The following USH2A variants were observed in gnomAD, a reference collection of about 807,000 sequenced individuals.
The protein encoded by USH2A is usherin.
In USH2A, 443 loss-of-function variants were observed where a neutral mutation model predicts 538.9. The ratio of observed to expected loss-of-function variants is 0.82; its 90% confidence interval spans 0.76 to 0.89. USH2A has a LOEUF of 0.89. Ranked by LOEUF, USH2A falls within the 40% of genes least tolerant of loss-of-function variation. The pLI is 0.00. For synonymous variants in USH2A, 2,413 were observed against 2,273.5 expected, an observed-to-expected ratio of 1.06 and a Z score of -1.75; for missense variants, 6,633 against 6,324.8, an observed-to-expected ratio of 1.05 and a Z score of -1.65.
intron 35 of USH2A, among the ~76,000 whole-genome samples, chr1:215,985,706 T>G (rs1383207620): frequency 6.6e-6 from 1 of 152,168 alleles, no homozygotes. Flanking sequence ...ACATATATCT[T>G]CATGTGCATA....
At position 216,325,315 on chromosome 1, in the gene USH2A, C is replaced by T. The variant is rs766118782; in HGVS notation, c.1133G>A (p.Gly378Glu). Residue 378 changes from glycine to glutamate, a missense_variant, in exon 6 of 72, where the codon GGA (glycine) becomes GAA (glutamate). By Grantham distance (98) the Gly-to-Glu change is moderately conservative. Coordinates refer to ENST00000307340, the MANE Select transcript of USH2A (RefSeq NM_206933.4). ...GVTISVDLEN[G>E]QYQVFYIIIQ... ...ATCGTTTCTCATTACCTGATACTGT[C>T]CATTTTCCAAATCAACTGAAATAGT... 3.7e-6 allele frequency: 6 copies of T among 1,613,540 alleles called. No individual in the cohort carries two copies. Among genetic ancestry groups the T allele is most frequent in the Non-Finnish European group, 5.1e-6 (6 of 1,179,832 alleles).
intron 11 of USH2A, among the ~76,000 whole-genome samples, chr1:216,264,762 C>G (rs779525247): frequency 6.6e-6 from 1 of 152,116 alleles, no homozygotes; most frequent in Admixed American, 6.6e-5. Flanking sequence ...AATAAATCCA[C>G]CTATTTACTG....
intron 47 of USH2A, among the ~76,000 whole-genome samples, chr1:215,835,863 T>C (rs1027498883): frequency 6.6e-6 from 1 of 152,192 alleles, no homozygotes; most frequent in Non-Finnish European, 1.5e-5. Context: ...TGTGTTGCAA[T>C]CTCTTTTCTG....
intron 32 of USH2A, among the ~76,000 whole-genome samples, chr1:216,010,084 A>G (rs1668521201): frequency 6.6e-6 from 1 of 152,126 alleles, no homozygotes. Context: ...CAAAAATTAA[A>G]TTCTGGCCCT....
chr1:216,132,358 T>C (rs1211513778), intron 21 of USH2A, among the ~76,000 whole-genome samples: 2 of 152,154 alleles, frequency 1.3e-5, no homozygotes, highest in Non-Finnish European at 2.9e-5. Flanking sequence ...ATGCATTTTT[T>C]AAATCTATCT....
At chr1:216,307,831 C>T (rs1449067695) in intron 9 of USH2A, among the ~76,000 whole-genome samples, 2 of 152,168 alleles carry the variant, frequency 1.3e-5, no homozygotes, top group Non-Finnish European at 2.9e-5. Context: ...AGGCCAAATC[C>T]ATCACCTGTG....
At chr1:215,977,502 A>AAATTAATT (rs10634519) in intron 35 of USH2A, among the ~76,000 whole-genome samples, 2 of 150,968 alleles carry the variant, frequency 1.3e-5, no homozygotes, top group African/African-American at 4.9e-5. Context: ...ATAATTTTTT[A>AAATTAATT]AATTAATTAA....
chr1:215,775,816 C>T (rs1047218180), intron 55 of USH2A, among the ~76,000 whole-genome samples: 1 of 152,188 alleles, frequency 6.6e-6, no homozygotes, highest in African/African-American at 2.4e-5. Flanking sequence ...ATTTAGCACA[C>T]AAAGTTTTCA....
intron 38 of USH2A, among the ~76,000 whole-genome samples, chr1:215,901,755 T>C (rs1008367961): frequency 6.6e-6 from 1 of 152,190 alleles, no homozygotes; most frequent in South Asian, 2.1e-4. Flanking sequence ...ACTCTGGTTA[T>C]TTAATTAATT....
At chr1:215,648,868 A>AT in intron 65 of USH2A, 102 bp from the exon 66 acceptor site, 1 of 1,145,610 alleles carries the variant, frequency 8.7e-7, no homozygotes, top group Non-Finnish European at 1.3e-6. Context: ...GTACCATGCC[A>AT]GGCACTCTGG....
intron 43 of USH2A, among the ~76,000 whole-genome samples, chr1:215,872,575 A>G (rs1402192537): frequency 2.6e-5 from 4 of 152,178 alleles, no homozygotes; most frequent in Non-Finnish European, 5.9e-5. Flanking sequence ...TTTTTATTCT[A>G]AGAAAACACT....
intron 58 of USH2A, among the ~76,000 whole-genome samples, chr1:215,745,405 A>G (rs1660443141): frequency 6.7e-6 from 1 of 150,180 alleles, no homozygotes; most frequent in African/African-American, 2.4e-5. Context: ...CAATGTTTGC[A>G]GAAGTAGTAC....
Position 216,199,639 on chromosome 1 carries a change from C to CATTCA in USH2A, c.3798_3799insTGAAT (p.Ala1267Ter). ...CTTGGATTCTTACCATTTAGTTCCG[C>CATTCA]TGGTGGAGACCATTCTACATGAAGT... On this transcript the variant is annotated stop_gained and frameshift_variant, in exon 17 of 72. Transcript: ENST00000307340. LOFTEE classifies it high-confidence loss of function. 1 of 1,614,046 alleles carries CATTCA rather than the reference C, an allele frequency of 6.2e-7. No homozygotes were observed. The highest frequency in any genetic ancestry group is 8.5e-7 in the Non-Finnish European group (1 of 1,180,000).
At chr1:216,358,639 C>T (rs958253124) in intron 4 of USH2A, among the ~76,000 whole-genome samples, 1 of 151,936 alleles carries the variant, frequency 6.6e-6, no homozygotes, top group Non-Finnish European at 1.5e-5. Flanking sequence ...AGAAAAGATA[C>T]AGTAGGTACG....
chr1:216,038,146 A>G (rs2030081268), intron 32 of USH2A, among the ~76,000 whole-genome samples: 2 of 152,014 alleles, frequency 1.3e-5, no homozygotes, highest in Non-Finnish European at 2.9e-5. Context: ...CATCTTTAAT[A>G]CTGTCTTGTT....
chr1:215,708,965 A>G (rs1659261411), intron 61 of USH2A, among the ~76,000 whole-genome samples: 1 of 152,218 alleles, frequency 6.6e-6, no homozygotes, highest in African/African-American at 2.4e-5. Flanking sequence ...AATTCCTAGA[A>G]TTCAAATTTA....
rs775961749 is a variant in USH2A, at chr1:215,782,928, G to A, written c.10395C>T (p.Asn3465=). The change falls in exon 53 of 72, where the codon AAC becomes AAT. Residue 3465 remains asparagine (N), a synonymous_variant. Transcript: ENST00000307340. The part of the protein sequence containing the change: ...SVNTYSYTDV[N]LKPYMTYEYR... The stretch of plus-strand genomic sequence containing the variant: ...ACTCATATGTCATGTAGGGCTTGAG[G>A]TTCACATCTGGAAAGAGAAAAAATA... 2.5e-6 allele frequency: 4 copies of A among 1,613,164 alleles called. No homozygotes were observed. The South Asian group carries it at 3.3e-5, about 13-fold the overall frequency.
chr1:216,333,821 G>A (rs73100618), intron 4 of USH2A, among the ~76,000 whole-genome samples: 1,777 of 151,668 alleles, frequency 0.012, 32 homozygotes, highest in African/African-American at 0.041. Context: ...ATTTAAAGTC[G>A]TAAAAAAAAA....
chr1:215,992,679 T>C (rs976237747), intron 35 of USH2A, among the ~76,000 whole-genome samples: 6 of 152,288 alleles, frequency 3.9e-5, no homozygotes, highest in Middle Eastern at 3.4e-3. Flanking sequence ...GAAGAACTAA[T>C]GGCTTTTAAA....
Sources: gnomAD v4.1 joint callset for allele counts (sites outside exome capture counted in the v4.1 genomes callset) on GRCh38, gnomAD v4.1.1 for gene constraint, MANE v1.5 for transcripts, NCBI Gene and HGNC (gene_info 2026-07-23, HGNC 2026-07-21) for gene names.